SYBU: variants seen among roughly 807,000 people sequenced by gnomAD.
SYBU encodes syntabulin.
In SYBU, 21 loss-of-function variants were observed where a neutral mutation model predicts 35.9. The ratio of observed to expected loss-of-function variants is 0.58; its 90% confidence interval spans 0.41 to 0.84. The LOEUF (loss-of-function observed/expected upper bound fraction) is 0.84, where lower values mean the gene tolerates loss of function less well. Ranked by LOEUF, SYBU falls within the 40% of genes least tolerant of loss-of-function variation. The probability of loss-of-function intolerance (pLI) is 0.00; values close to 1 mark genes in which losing one functional copy is unlikely to be tolerated. For missense variants in SYBU, 768 were observed against 848.2 expected (o/e 0.91, Z 1.17); for synonymous variants, 319 against 324.3 (o/e 0.98, Z 0.18).
chr8:109,580,109 G>T lies in SYBU; in HGVS notation c.531-107C>A. ...GAAATCCAATTTATAGAGTTGAAAG[G>T]CGCAATACAATTATTCGTGTAGACT... On this transcript the variant is annotated intron_variant, in intron 4 of 6. Coordinates refer to ENST00000276646, the MANE Select transcript of SYBU (RefSeq NM_001099754.2). 3 of 1,048,572 alleles carry T rather than the reference G, an allele frequency of 2.9e-6. No homozygotes were observed. The South Asian group carries it at 4.1e-5, about 14-fold the overall frequency. 65.0% of individuals were successfully genotyped at this position (1,048,572 alleles called of 1,614,324 possible).
chr8:109,613,259 G>T (rs997730567), intron 3 of SYBU, among the ~76,000 whole-genome samples: 4 of 152,164 alleles, frequency 2.6e-5, no homozygotes, highest in Admixed American at 1.3e-4. Context: ...TCCTGTACAT[G>T]AAGTGCACAG....
chr8:109,677,444 A>G (rs1413478512), intron 1 of SYBU, among the ~76,000 whole-genome samples: 1 of 152,198 alleles, frequency 6.6e-6, no homozygotes, highest in Admixed American at 6.5e-5. Context: ...AGTAAATTGC[A>G]AAAAAATACA....
intron 1 of SYBU, among the ~76,000 whole-genome samples, chr8:109,650,586 T>C (rs1816088343): frequency 2.0e-5 from 3 of 152,200 alleles, no homozygotes; most frequent in South Asian, 4.1e-4. Flanking sequence ...ACTTCCTAGG[T>C]TATTCCTGTG....
chr8:109,575,820 C>A lies in SYBU; in HGVS notation c.1078G>T (p.Val360Leu). The change falls in exon 7 of 7, where the codon GTG (valine) becomes TTG (leucine). Residue 360 changes from valine to leucine, a missense_variant. Coordinates refer to ENST00000276646, the MANE Select transcript of SYBU (RefSeq NM_001099754.2). ...TTCTTGTTTTGGATGTTTATGTCCA[C>A]AAAATATTTCTGAATGCCTTTATCT... is the stretch of plus-strand genomic sequence containing the variant. The part of the protein sequence containing the change: ...DKDKGIQKYF[V>L]DINIQNKKLE... The A allele has an allele frequency of 6.2e-7, 1 of 1,614,066 alleles. No homozygotes were observed. The highest frequency in any genetic ancestry group is 8.5e-7 in the Non-Finnish European group (1 of 1,180,004).
chr8:109,645,653 C>A (rs572413235), upstream of SYBU: 4 of 265,992 alleles, frequency 1.5e-5, no homozygotes, highest in South Asian at 1.4e-4. Flanking sequence ...TTTTCCGTTG[C>A]TGTTGAAACG....
chr8:109,616,808 C>T (rs1811847705), intron 3 of SYBU, among the ~76,000 whole-genome samples: 1 of 151,502 alleles, frequency 6.6e-6, no homozygotes, highest in Non-Finnish European at 1.5e-5. Context: ...GACTGAGTCT[C>T]TAATGTGCAC....
intron 2 of SYBU, among the ~76,000 whole-genome samples, chr8:109,630,778 G>A (rs893768368): frequency 5.9e-5 from 9 of 152,300 alleles, no homozygotes; most frequent in Non-Finnish European, 1.2e-4. Flanking sequence ...CTTGGAGATA[G>A]CAAGTAGGCA....
intron 2 of SYBU, among the ~76,000 whole-genome samples, chr8:109,629,377 AACTT>A (rs1813337749): frequency 6.6e-6 from 1 of 152,208 alleles, no homozygotes; most frequent in Admixed American, 6.5e-5. Flanking sequence ...AATCTTAACT[AACTT>A]AATCTAATAT....
chr8:109,623,022 T>TGC (rs960261267), intron 2 of SYBU, among the ~76,000 whole-genome samples: 17 of 138,464 alleles, frequency 1.2e-4, no homozygotes, highest in East Asian at 1.1e-3. Flanking sequence ...CACAGGAGCG[T>TGC]GCGCGCGCGC....
chr8:109,574,758 T>A lies in SYBU; in HGVS notation c.*148A>T. ...TGAAGATACCTCCGGTTTTAAACAG[T>A]GAACAGGCTTCAACTAAATATAGTG... On this transcript the variant is annotated 3_prime_UTR_variant, in exon 7 of 7. Coordinates refer to ENST00000276646, the MANE Select transcript of SYBU (RefSeq NM_001099754.2). The A allele has an allele frequency of 1.2e-6, 1 of 833,800 alleles. No homozygotes were observed. Among genetic ancestry groups the A allele is most frequent in the African/African-American group, 1.7e-5 (1 of 58,888 alleles). 51.7% of individuals were successfully genotyped at this position (833,800 alleles called of 1,614,324 possible).
chr8:109,594,221 T>C (rs1824608480), intron 3 of SYBU, among the ~76,000 whole-genome samples: 1 of 151,876 alleles, frequency 6.6e-6, no homozygotes, highest in African/African-American at 2.4e-5. Flanking sequence ...AAGGAGGTGA[T>C]GAAGGACTGG....
At chr8:109,604,773 C>T (rs983681350) in intron 3 of SYBU, among the ~76,000 whole-genome samples, 19 of 152,208 alleles carry the variant, frequency 1.2e-4, no homozygotes, top group African/African-American at 4.3e-4. Context: ...GGGTCTTTCA[C>T]TTCTTCCTCT....
intron 3 of SYBU, among the ~76,000 whole-genome samples, chr8:109,605,468 C>T (rs924875922): frequency 6.6e-6 from 1 of 152,198 alleles, no homozygotes; most frequent in South Asian, 2.1e-4. Context: ...ATGCTACCCC[C>T]CTGCTCCTTT....
intron 1 of SYBU, among the ~76,000 whole-genome samples, chr8:109,690,471 A>G (rs765566108): frequency 6.6e-6 from 1 of 152,204 alleles, no homozygotes; most frequent in Admixed American, 6.5e-5. Context: ...TCCAGATGTT[A>G]TAGCTGCCCT....
intron 2 of SYBU, among the ~76,000 whole-genome samples, chr8:109,627,602 T>G (rs563417286): frequency 1.3e-5 from 2 of 152,334 alleles, no homozygotes; most frequent in Non-Finnish European, 2.9e-5. Flanking sequence ...GACTCAGGAT[T>G]CAAAGTAAGG....
At chr8:109,652,393 C>CT (rs111759751) in intron 1 of SYBU, among the ~76,000 whole-genome samples, 5 of 149,546 alleles carry the variant, frequency 3.3e-5, no homozygotes, top group African/African-American at 4.9e-5. Flanking sequence ...CTCTCTCTCC[C>CT]TTTTTTTTCC....
intron 1 of SYBU, among the ~76,000 whole-genome samples, chr8:109,660,375 G>A (rs1334525883): frequency 1.3e-5 from 2 of 152,072 alleles, no homozygotes; most frequent in Non-Finnish European, 2.9e-5. Context: ...ATTTACGTTA[G>A]TATTGTATCT....
At chr8:109,590,221 G>A (rs1824058850) in intron 3 of SYBU, among the ~76,000 whole-genome samples, 1 of 152,208 alleles carries the variant, frequency 6.6e-6, no homozygotes, top group Non-Finnish European at 1.5e-5. Context: ...AGTACATTCA[G>A]TAGAATGGAC....
chr8:109,581,723 C>T (rs967331651), intron 4 of SYBU, among the ~76,000 whole-genome samples: 5 of 152,170 alleles, frequency 3.3e-5, no homozygotes, highest in African/African-American at 1.2e-4. Context: ...AATGTGAATG[C>T]AAGTGTGCAT....
Sources: allele counts gnomAD v4.1 joint callset (sites outside exome capture counted in the v4.1 genomes callset), GRCh38; gene constraint gnomAD v4.1.1; transcripts MANE v1.5; gene names NCBI Gene and HGNC (gene_info 2026-07-23, HGNC 2026-07-21).